The following CNOT1 variants were observed in gnomAD, a reference collection of about 807,000 sequenced individuals.
CNOT1 encodes CCR4-associated factor 1.
In CNOT1, 15 loss-of-function variants were observed where a neutral mutation model predicts 273.8. The observed-to-expected ratio is 0.05, with a 90% confidence interval of 0.04 to 0.08. The LOEUF (loss-of-function observed/expected upper bound fraction) is 0.08, where lower values mean the gene tolerates loss of function less well. CNOT1 is among the 10% of genes least tolerant of loss of function. The pLI is 1.00. For missense variants in CNOT1, 1,644 were observed against 2,912.2 expected (o/e 0.56, Z 10.02); for synonymous variants, 1,022 against 1,005.5 (o/e 1.02, Z -0.31).
chr16:58,533,065 C>G (rs1456209235), intron 40 of CNOT1: 1 of 152,554 alleles, frequency 6.6e-6, no homozygotes, highest in African/African-American at 2.4e-5. Context: ...GGGGCAAATT[C>G]ATACTACCAA....
chr16:58,616,344 G>A, intron 1 of CNOT1, among the ~76,000 whole-genome samples: 1 of 137,210 alleles, frequency 7.3e-6, no homozygotes, highest in African/African-American at 2.6e-5. Flanking sequence ...GACCTCAGGT[G>A]ATCCACCTGC....
intron 16 of CNOT1, among the ~76,000 whole-genome samples, chr16:58,573,904 T>C (rs752621828): frequency 1.3e-5 from 2 of 152,052 alleles, no homozygotes; most frequent in African/African-American, 4.8e-5. Context: ...TGAAAACCTA[T>C]TGTGATCAAG....
At chr16:58,524,035 G>A (rs895497170) in intron 46 of CNOT1, among the ~76,000 whole-genome samples, 1 of 152,028 alleles carries the variant, frequency 6.6e-6, no homozygotes, top group African/African-American at 2.4e-5. Flanking sequence ...ATCACTTGAG[G>A]TCAGGGGTTC....
At position 58,581,260 on chromosome 16, in the gene CNOT1, T is replaced by A. The variant is rs529895015; in HGVS notation, c.1215+85A>T. 46 of 1,436,762 alleles carry A rather than the reference T, an allele frequency of 3.2e-5. No individual in the cohort carries two copies. In the East Asian group the frequency reaches 9.7e-4, roughly 30 times the overall value. The allele number at this position is 1,436,762 out of a possible 1,614,324, so 89.0% of individuals were successfully genotyped here. On this transcript the variant is annotated intron_variant, in intron 11 of 48. Transcript: ENST00000317147. ...TATAACAAATTCTACTTTACAAGAATATTTCGATCAATGGGTAGATGGCAC... is the reference window on the plus strand; with the variant it reads ...TATAACAAATTCTACTTTACAAGAAAATTTCGATCAATGGGTAGATGGCAC...
chr16:58,579,589 A>C (rs1405876559), intron 12 of CNOT1, among the ~76,000 whole-genome samples: 1 of 152,176 alleles, frequency 6.6e-6, no homozygotes, highest in Non-Finnish European at 1.5e-5. Context: ...CACCTAAGAA[A>C]AGAACACACC....
chr16:58,629,269 C>A (rs533324355), intron 1 of CNOT1, among the ~76,000 whole-genome samples: 1 of 152,230 alleles, frequency 6.6e-6, no homozygotes, highest in Non-Finnish European at 1.5e-5. Context: ...ACGGTCCCCC[C>A]CGCCAGAAGC....
chr16:58,549,577 T>C, intron 25 of CNOT1, 142 bp downstream of exon 25: 1 of 1,353,664 alleles, frequency 7.4e-7, no homozygotes, highest in Non-Finnish European at 9.7e-7. Context: ...TAGTTCCATA[T>C]AAGAAACAAA....
At chr16:58,618,015 A>G (rs1004350109) in intron 1 of CNOT1, among the ~76,000 whole-genome samples, 7 of 152,196 alleles carry the variant, frequency 4.6e-5, no homozygotes, top group African/African-American at 1.7e-4. Context: ...CTATAAAATT[A>G]AAGAAAAAAT....
At position 58,539,772 on chromosome 16, in the gene CNOT1, T is replaced by C; in HGVS notation, c.4988A>G (p.Gln1663Arg). 1 of 1,611,222 alleles carries C rather than the reference T, an allele frequency of 6.2e-7. No homozygotes were observed. The highest frequency in any genetic ancestry group is 8.5e-7 in the Non-Finnish European group (1 of 1,178,816). Residue 1663 changes from glutamine to arginine, a missense_variant, in exon 35 of 49, where the codon CAA becomes CGA. By Grantham distance (43) the Gln-to-Arg change is conservative. This residue lies in a region of CNOT1 where 170 missense variants were observed against 273.1 expected (regional missense o/e 0.62). Coordinates refer to ENST00000317147, the MANE Select transcript of CNOT1 (RefSeq NM_016284.5). ...AGTAATAGCTTAAGAACCAACCTTT[T>C]GGAGCAATCCAAGAGCAGCTATGGC... The part of the protein sequence containing the change: ...RDAIAALGLL[Q>R]KAVEGLLDAT...
intron 1 of CNOT1, among the ~76,000 whole-genome samples, chr16:58,605,830 TA>T (rs1198170695): frequency 6.6e-6 from 1 of 152,066 alleles, no homozygotes; most frequent in East Asian, 1.9e-4. Flanking sequence ...CTAATTTTTG[TA>T]TTTTTTGTAG....
Position 58,528,581 on chromosome 16 carries a change from C to T in CNOT1, c.6347G>A (p.Gly2116Glu). The T allele has an allele frequency of 6.2e-7, 1 of 1,613,314 alleles. No homozygotes were observed. The change falls in exon 44 of 49, where the codon GGG becomes GAG. Residue 2116 changes from glycine (G) to glutamate (E), a missense_variant. This residue lies in a region of CNOT1 where 140 missense variants were observed against 324.6 expected (regional missense o/e 0.43). Transcript: ENST00000317147. ...FPEFLCDYHY[G>E]FCDVIPPNCI... Reference sequence around the variant, plus strand: ...ATTAGGTGGGATCACATCACAGAACCCATAATGGTAATCACAAAGGAACTC... The same window carrying T: ...ATTAGGTGGGATCACATCACAGAACTCATAATGGTAATCACAAAGGAACTC...
chr16:58,542,015 A>G (rs1027738315), intron 33 of CNOT1, among the ~76,000 whole-genome samples: 2 of 152,258 alleles, frequency 1.3e-5, no homozygotes, highest in African/African-American at 2.4e-5. Context: ...CCTTAGAGTA[A>G]TAACACTTCA....
intron 16 of CNOT1, among the ~76,000 whole-genome samples, chr16:58,560,982 GCCACTGCACT>G (rs2040818852): frequency 6.6e-6 from 1 of 152,050 alleles, no homozygotes; most frequent in African/African-American, 2.4e-5. Context: ...CCGAGATCGC[GCCACTGCACT>G]CCAGTCTGGG....
chr16:58,525,315 A>G lies in CNOT1; in HGVS notation c.6648T>C (p.Asn2216=), dbSNP rs2151893584. 2.5e-6 allele frequency: 4 copies of G among 1,613,822 alleles called. No homozygotes were observed. Among genetic ancestry groups the G allele is most frequent in the South Asian group, 2.2e-5 (2 of 91,064 alleles). The change falls in exon 46 of 49, where the codon AAT becomes AAC. Residue 2216 remains asparagine (N), a synonymous_variant. Coordinates refer to ENST00000317147, the MANE Select transcript of CNOT1 (RefSeq NM_016284.5). ...GAGTCCCGACATAGAGCACCAGTGCATTGATGAGCTGGAGGTTGTAGCGAT... is the reference window on the plus strand; with the variant it reads ...GAGTCCCGACATAGAGCACCAGTGCGTTGATGAGCTGGAGGTTGTAGCGAT... ...PGNRYNLQLI[N]ALVLYVGTQA...
chr16:58,619,746 G>C (rs922230100), intron 1 of CNOT1, among the ~76,000 whole-genome samples: 1 of 151,976 alleles, frequency 6.6e-6, no homozygotes, highest in Admixed American at 6.6e-5. Flanking sequence ...TTCATAGTGA[G>C]GAAATGAAAA....
intron 16 of CNOT1, among the ~76,000 whole-genome samples, chr16:58,562,472 C>A (rs1233749279): frequency 6.7e-6 from 1 of 149,912 alleles, no homozygotes; most frequent in Non-Finnish European, 1.5e-5. Context: ...TCAATGCACT[C>A]CAGTCTTAGA....
chr16:58,601,231 C>T (rs959423619), intron 1 of CNOT1, among the ~76,000 whole-genome samples: 1 of 152,164 alleles, frequency 6.6e-6, no homozygotes, highest in Non-Finnish European at 1.5e-5. Flanking sequence ...GCTGGGATTA[C>T]AAGCATGAGC....
At chr16:58,566,672 T>C (rs996844910) in intron 16 of CNOT1, among the ~76,000 whole-genome samples, 2 of 152,228 alleles carry the variant, frequency 1.3e-5, no homozygotes, top group African/African-American at 4.8e-5. Flanking sequence ...TTGGTTTCTT[T>C]TTTTTATTTT....
At chr16:58,587,931 A>C in intron 3 of CNOT1, 53 bp from the exon 4 acceptor site, 1 of 1,516,972 alleles carries the variant, frequency 6.6e-7, no homozygotes, top group Non-Finnish European at 9.0e-7. Context: ...CTAAGAACAA[A>C]CAGAAGCTGA....
Sources: gnomAD v4.1 joint callset for allele counts (sites outside exome capture counted in the v4.1 genomes callset) on GRCh38, gnomAD v4.1.1 for gene constraint, gnomAD v4.1.1 regional missense constraint, MANE v1.5 for transcripts, NCBI Gene and HGNC (gene_info 2026-07-23, HGNC 2026-07-21) for gene names.